TRIM60: variants seen among roughly 807,000 people sequenced by gnomAD.
TRIM60 encodes tripartite motif containing 60, also known as tripartite motif-containing protein 60.
For missense variants in TRIM60, 524 were observed against 540.8 expected, an observed-to-expected ratio of 0.97 and a Z score of 0.31; for synonymous variants, 189 against 195.2, an observed-to-expected ratio of 0.97 and a Z score of 0.27.
chr4:165,032,472 C>T (rs12511557), intron 1 of TRIM60, among the ~76,000 whole-genome samples: 31,702 of 152,120 alleles, frequency 0.21, 3,527 homozygotes, highest in Admixed American at 0.31. Flanking sequence ...TGGTGTCGAA[C>T]TTCCGACCTC....
At position 165,040,788 on chromosome 4, in the gene TRIM60, G is replaced by A; in HGVS notation, c.716G>A (p.Gly239Asp). 6.2e-7 allele frequency: 1 copy of A among 1,614,142 alleles called. No individual in the cohort carries two copies. Among genetic ancestry groups the A allele is most frequent in the Non-Finnish European group, 8.5e-7 (1 of 1,180,022 alleles). ...TLKHLLREVE[G>D]KSVQSNLELL... Reference sequence around the variant, plus strand: ...AAACATCTACTGAGGGAGGTAGAGGGCAAGTCTGTGCAGTCAAACCTGGAA... The same window carrying A: ...AAACATCTACTGAGGGAGGTAGAGGACAAGTCTGTGCAGTCAAACCTGGAA... The change falls in exon 3 of 3, where the codon GGC (glycine) becomes GAC (aspartate). Residue 239 changes from glycine (G) to aspartate (D), a missense_variant. Physicochemically the swap from Gly to Asp is moderately conservative, Grantham distance 94. Transcript: ENST00000512596.
In TRIM60 at chr4:165,040,811, G is replaced by A. The variant is rs1218751040; in HGVS notation, c.739G>A (p.Glu247Lys). The change falls in exon 3 of 3, where the codon GAA becomes AAA. Residue 247 changes from glutamate to lysine, a missense_variant. By Grantham distance (56) the Glu-to-Lys change is moderately conservative. Coordinates refer to ENST00000512596, the MANE Select transcript of TRIM60 (RefSeq NM_152620.3). ...VEGKSVQSNL[E>K]LLTQAKSMHH... is the part of the protein sequence containing the mutation. ...GGGCAAGTCTGTGCAGTCAAACCTG[G>A]AATTACTGACACAAGCTAAGAGTAT... The A allele has an allele frequency of 6.2e-7, 1 of 1,614,016 alleles. No homozygotes were observed. Among genetic ancestry groups the A allele is most frequent in the African/African-American group, 1.3e-5 (1 of 74,914 alleles).
chr4:165,035,842 C>G (rs1269116097), intron 1 of TRIM60, among the ~76,000 whole-genome samples: 2 of 152,022 alleles, frequency 1.3e-5, no homozygotes, highest in Non-Finnish European at 1.5e-5. Flanking sequence ...CCTGCCTTAG[C>G]CTCCCAAGTA....
chr4:165,035,520 T>A (rs1733601821), intron 1 of TRIM60, among the ~76,000 whole-genome samples: 1 of 152,194 alleles, frequency 6.6e-6, no homozygotes, highest in Non-Finnish European at 1.5e-5. Flanking sequence ...GAAGACAAAG[T>A]GATAAATGAG....
In TRIM60 at chr4:165,041,722, C is replaced by A; in HGVS notation, c.*234C>A. 2.8e-6 allele frequency: 1 copy of A among 353,610 alleles called. No homozygotes were observed. Among genetic ancestry groups the A allele is most frequent in the Admixed American group, 4.6e-5 (1 of 21,924 alleles). The allele number at this position is 353,610 out of a possible 1,614,324, so 21.9% of individuals were successfully genotyped here. A position where few individuals can be genotyped will look rare whatever the true frequency, so the allele number is the denominator to read the frequency against. ...TTAGAATTATGTTACTTAACATGTC[C>A]AATAAAATGTTTTCAAATTGCCTAT... On this transcript the variant is annotated 3_prime_UTR_variant, in exon 3 of 3. Transcript: ENST00000512596.
At chr4:165,037,971 AC>A (rs1733662736) in intron 1 of TRIM60, among the ~76,000 whole-genome samples, 1 of 151,676 alleles carries the variant, frequency 6.6e-6, no homozygotes, top group Admixed American at 6.6e-5. Flanking sequence ...TATCTCATTC[AC>A]CAGCTAAGGC....
chr4:165,041,596 T>C lies in TRIM60; in HGVS notation c.*108T>C. On this transcript the variant is annotated 3_prime_UTR_variant, in exon 3 of 3. Coordinates refer to ENST00000512596, the MANE Select transcript of TRIM60 (RefSeq NM_152620.3). ...TACCACTGAAAACCAGAGTCGATTT[T>C]TCTCCTAAATTTTTGGCAACTATAA... The C allele has an allele frequency of 1.3e-6, 1 of 763,200 alleles. No individual in the cohort carries two copies. Among genetic ancestry groups the C allele is most frequent in the Non-Finnish European group, 1.9e-6 (1 of 514,112 alleles). The allele number at this position is 763,200 out of a possible 1,614,324, so 47.3% of individuals were successfully genotyped here. A position where few individuals can be genotyped will look rare whatever the true frequency, so the allele number is the denominator to read the frequency against.
chr4:165,036,933 C>CG (rs2111211646), intron 1 of TRIM60, among the ~76,000 whole-genome samples: 1 of 150,688 alleles, frequency 6.6e-6, no homozygotes, highest in East Asian at 2.0e-4. Context: ...CAGTGGCTTA[C>CG]GCCTGTAATC....
At position 165,035,207 on chromosome 4, in the gene TRIM60, G is replaced by A. The variant is rs140100174; in HGVS notation, c.-57+3095G>A. Among the ~76,000 whole-genome samples, 828 of 152,180 alleles carry A rather than the reference G, an allele frequency of 5.4e-3. 6 individuals are homozygous for A. The highest frequency in any genetic ancestry group is 0.018 in the African/African-American group (757 of 41,512). ...AGCCTTCTCAGTGCTGGCACTATAG[G>A]GACATGCCACCATGCCTGGCTGATT... On this transcript the variant is annotated intron_variant, in intron 1 of 2. Transcript: ENST00000512596.
Position 165,040,240 on chromosome 4 carries a change from C to T in TRIM60, c.168C>T (p.Cys56=). 1 of 1,614,148 alleles carries T rather than the reference C, an allele frequency of 6.2e-7. No individual in the cohort carries two copies. Among genetic ancestry groups the T allele is most frequent in the East Asian group, 2.2e-5 (1 of 44,886 alleles). The stretch of plus-strand genomic sequence containing the variant: ...ATGATACCTTTCCCTGTCCTGTCTG[C>T]CGTTTTTGCTTTCCATACAAGAGCT... ...DLDDTFPCPV[C]RFCFPYKSFR... Residue 56 remains cysteine (C), a synonymous_variant, in exon 3 of 3, where the codon TGC becomes TGT. Transcript: ENST00000512596.
At chr4:165,036,100 G>A (rs1461514227) in intron 1 of TRIM60, among the ~76,000 whole-genome samples, 1 of 152,140 alleles carries the variant, frequency 6.6e-6, no homozygotes, top group East Asian at 1.9e-4. Context: ...AATCAAAGTT[G>A]CCAGACAAGA....
chr4:165,039,710 A>G (rs1733705192), intron 2 of TRIM60: 1 of 155,808 alleles, frequency 6.4e-6, no homozygotes, highest in Admixed American at 6.0e-5. Flanking sequence ...AGGCAGGAGA[A>G]TGGCGTGAAC....
At chr4:165,035,972 C>T (rs1000782303) in intron 1 of TRIM60, among the ~76,000 whole-genome samples, 4 of 152,198 alleles carry the variant, frequency 2.6e-5, no homozygotes, top group African/African-American at 9.7e-5. Flanking sequence ...ATCTGCCCGC[C>T]TTGGCCTCCC....
intron 2 of TRIM60, among the ~76,000 whole-genome samples, chr4:165,039,811 A>C (rs1733709187): frequency 6.6e-6 from 1 of 152,018 alleles, no homozygotes; most frequent in Admixed American, 6.6e-5. Flanking sequence ...TCTCAAAAAA[A>C]AAAAAAAAAA....
In TRIM60 at chr4:165,040,445, C is replaced by T; in HGVS notation, c.373C>T (p.His125Tyr). ...TACACAGTGCAGTTTCTCCACTAAA[C>T]ACCAGAAGCACTACATTTGCCCTAT... ...LCTQCSFSTK[H>Y]QKHYICPIKK... The change falls in exon 3 of 3, where the codon CAC becomes TAC. Residue 125 changes from histidine (H) to tyrosine (Y), a missense_variant. By Grantham distance (83) the His-to-Tyr change is moderately conservative (BLOSUM62 2). Transcript: ENST00000512596. 5 of 1,614,186 alleles carry T rather than the reference C, an allele frequency of 3.1e-6. No individual in the cohort carries two copies. Among genetic ancestry groups the T allele is most frequent in the South Asian group, 2.2e-5 (2 of 91,084 alleles).
Position 165,040,512 on chromosome 4 carries a change from G to A in TRIM60, c.440G>A (p.Ser147Asn). Residue 147 changes from serine to asparagine, a missense_variant, in exon 3 of 3, where the codon AGC becomes AAC. Ser to Asn is a conservative substitution (Grantham distance 46, BLOSUM62 1). Coordinates refer to ENST00000512596, the MANE Select transcript of TRIM60 (RefSeq NM_152620.3). ...ASYHREILEG[S>N]LEPLRNNIER... ...TATCACAGAGAAATTCTAGAAGGTAGCCTTGAGCCCTTGAGGAATAATATA... is the reference window on the plus strand; with the variant it reads ...TATCACAGAGAAATTCTAGAAGGTAACCTTGAGCCCTTGAGGAATAATATA... The A allele has an allele frequency of 6.2e-7, 1 of 1,614,070 alleles. No homozygotes were observed. The highest frequency in any genetic ancestry group is 8.5e-7 in the Non-Finnish European group (1 of 1,180,018).
intron 1 of TRIM60, among the ~76,000 whole-genome samples, chr4:165,038,131 A>C (rs1287308555): frequency 6.6e-6 from 1 of 152,158 alleles, no homozygotes; most frequent in Non-Finnish European, 1.5e-5. Context: ...ACCCGAAGGA[A>C]AAGAGAGGTG....
chr4:165,040,182 G>T lies in TRIM60; in HGVS notation c.110G>T (p.Arg37Leu). Residue 37 changes from arginine (R) to leucine (L), a missense_variant, in exon 3 of 3, where the codon CGC becomes CTC. Arg to Leu is a moderately radical substitution (Grantham distance 102). Transcript: ENST00000512596. ...VTINCGHNFC[R>L]SCLSVSWKDL... ...ATCAACTGTGGGCACAACTTCTGTC[G>T]CTCCTGCCTCAGTGTATCCTGGAAG... is the stretch of plus-strand genomic sequence containing the variant. 1 of 1,614,098 alleles carries T rather than the reference G, an allele frequency of 6.2e-7. No homozygotes were observed. The highest frequency in any genetic ancestry group is 2.2e-5 in the East Asian group (1 of 44,886).
At chr4:165,037,861 T>G (rs1207587541) in intron 1 of TRIM60, among the ~76,000 whole-genome samples, 1 of 152,238 alleles carries the variant, frequency 6.6e-6, no homozygotes, top group Non-Finnish European at 1.5e-5. Flanking sequence ...ATTTTATTCA[T>G]TCATGTATCC....
Sources: allele counts gnomAD v4.1 joint callset (sites outside exome capture counted in the v4.1 genomes callset), GRCh38; gene constraint gnomAD v4.1.1; transcripts MANE v1.5; gene names NCBI Gene and HGNC (gene_info 2026-07-23, HGNC 2026-07-21).